The following TMTC4 variants were observed in gnomAD, a reference collection of about 807,000 sequenced individuals.
TMTC4 encodes the protein protein O-mannosyl-transferase TMTC4.
Under a neutral mutation model 86.0 loss-of-function variants are expected in TMTC4, and 65 were observed. The ratio of observed to expected loss-of-function variants is 0.76; its 90% CI spans 0.62 to 0.93. TMTC4 has a LOEUF of 0.93. TMTC4 is among the 40% of genes least tolerant of loss of function. The probability of loss-of-function intolerance (pLI) is 0.00; values close to 1 mark genes in which losing one functional copy is unlikely to be tolerated. For synonymous variants in TMTC4, 379 were observed against 382.5 expected (o/e 0.99, Z 0.11); for missense variants, 866 against 948.1 (o/e 0.91, Z 1.14).
At chr13:100,609,164 T>C (rs1877147469) in intron 17 of TMTC4, among the ~76,000 whole-genome samples, 1 of 152,144 alleles carries the variant, frequency 6.6e-6, no homozygotes, top group African/African-American at 2.4e-5. Context: ...CACTTGGTGG[T>C]GGTGTGTGGG....
At chr13:100,621,201 G>A (rs1253683461) in intron 15 of TMTC4, among the ~76,000 whole-genome samples, 2 of 152,166 alleles carry the variant, frequency 1.3e-5, no homozygotes, top group Non-Finnish European at 2.9e-5. Flanking sequence ...TCCTCCCTTT[G>A]GACATCATTC....
In TMTC4 at chr13:100,625,621, G is replaced by C; in HGVS notation, c.1750C>G (p.Arg584Gly). ...TAACTTTGCTCTGCTGCTTCAAACC[G>C]TTTCAGGCTATTCTGCACTATGCCT... The part of the protein sequence containing the change: ...NLGIVQNSLK[R>G]FEAAEQSYRT... Residue 584 changes from arginine to glycine, a missense_variant, in exon 15 of 19, where the codon CGG (arginine) becomes GGG (glycine). Physicochemically the swap from Arg to Gly is moderately radical, Grantham distance 125. Coordinates refer to ENST00000342624, the MANE Select transcript of TMTC4 (RefSeq NM_032813.5). 1 of 1,614,140 alleles carries C rather than the reference G, an allele frequency of 6.2e-7. No homozygotes were observed. Among genetic ancestry groups the C allele is most frequent in the Non-Finnish European group, 8.5e-7 (1 of 1,180,040 alleles).
At chr13:100,666,274 C>G (rs1886388615) in intron 3 of TMTC4, among the ~76,000 whole-genome samples, 1 of 152,220 alleles carries the variant, frequency 6.6e-6, no homozygotes, top group East Asian at 1.9e-4. Context: ...TCTAACATCA[C>G]TAAAATCCAG....
At chr13:100,648,871 G>A (rs752087650) in intron 6 of TMTC4, among the ~76,000 whole-genome samples, 7 of 151,964 alleles carry the variant, frequency 4.6e-5, no homozygotes, top group Non-Finnish European at 1.0e-4. Flanking sequence ...TATTTTTGTC[G>A]AGAAAGGGGG....
intron 2 of TMTC4, 150 bp downstream of exon 2, chr13:100,670,210 T>G (rs1340476841): frequency 6.2e-5 from 46 of 739,346 alleles, no homozygotes; most frequent in Non-Finnish European, 6.9e-5. Context: ...GCAGTTTGGA[T>G]GTATTTGTTT....
Position 100,663,024 on chromosome 13 carries a change from G to A in TMTC4, c.492C>T (p.Ala164=). The part of the protein sequence containing the change: ...YTSKGRRLHL[A]PRASLLAALL... ...GCGCGGCCAGCAGGGACGCCCTGGG[G>A]GCGAGGTGCAGCCTCCGGCCTTTAC... is the stretch of plus-strand genomic sequence containing the variant. The change falls in exon 5 of 19, where the codon GCC becomes GCT. Residue 164 remains alanine (A), a synonymous_variant. Coordinates refer to ENST00000342624, the MANE Select transcript of TMTC4 (RefSeq NM_032813.5). The A allele has an allele frequency of 6.2e-7, 1 of 1,614,188 alleles. No homozygotes were observed. The highest frequency in any genetic ancestry group is 8.5e-7 in the Non-Finnish European group (1 of 1,180,034).
intron 17 of TMTC4, among the ~76,000 whole-genome samples, chr13:100,606,999 A>G (rs1222532012): frequency 6.6e-6 from 1 of 152,208 alleles, no homozygotes; most frequent in African/African-American, 2.4e-5. Flanking sequence ...TGATTCTTGC[A>G]CAGCCTTGCA....
At chr13:100,658,386 T>A (rs1885362640) in intron 5 of TMTC4, among the ~76,000 whole-genome samples, 2 of 151,702 alleles carry the variant, frequency 1.3e-5, no homozygotes, top group African/African-American at 4.8e-5. Flanking sequence ...CAGGAGGACA[T>A]GAGAGGAGAC....
chr13:100,614,134 C>T (rs1053687019), intron 16 of TMTC4, among the ~76,000 whole-genome samples, 182 bp downstream of exon 16: 3 of 151,834 alleles, frequency 2.0e-5, no homozygotes, highest in Non-Finnish European at 2.9e-5. Flanking sequence ...CAACCGTGCC[C>T]GGCCTAGAAA....
intron 12 of TMTC4, among the ~76,000 whole-genome samples, chr13:100,630,798 C>G (rs1038684359): frequency 1.3e-5 from 2 of 152,208 alleles, no homozygotes; most frequent in African/African-American, 4.8e-5. Context: ...GCAGTATAGA[C>G]AGTGTTCTGT....
intron 10 of TMTC4, among the ~76,000 whole-genome samples, chr13:100,636,175 T>C (rs926380229): frequency 1.3e-5 from 2 of 152,148 alleles, no homozygotes; most frequent in African/African-American, 4.8e-5. Context: ...CCAGGGTGTT[T>C]TGAGGAAGAA....
At chr13:100,653,418 C>T (rs940560080) in intron 6 of TMTC4, among the ~76,000 whole-genome samples, 1 of 151,990 alleles carries the variant, frequency 6.6e-6, no homozygotes, top group Non-Finnish European at 1.5e-5. Context: ...GTTCTGATGT[C>T]GCCGGGCCAG....
At position 100,642,233 on chromosome 13, in the gene TMTC4, T is replaced by C. The variant is rs1264322753; in HGVS notation, c.719A>G (p.Lys240Arg). ...IFLGAVAMLC[K>R]EQGITVLGLN... ...CACCAGCACAGTGATCCCTTGCTCT[T>C]TGCACAGCATGGCCACTGCTCCCAG... Residue 240 changes from lysine to arginine, a missense_variant, in exon 7 of 19, where the codon AAA (lysine) becomes AGA (arginine). By Grantham distance (26) the Lys-to-Arg change is conservative (BLOSUM62 2). Coordinates refer to ENST00000342624, the MANE Select transcript of TMTC4 (RefSeq NM_032813.5). 9 of 1,614,064 alleles carry C rather than the reference T, an allele frequency of 5.6e-6. No individual in the cohort carries two copies. Among genetic ancestry groups the C allele is most frequent in the Non-Finnish European group, 7.6e-6 (9 of 1,180,042 alleles).
intron 15 of TMTC4, among the ~76,000 whole-genome samples, chr13:100,618,454 G>GT (rs1170750860): frequency 6.2e-5 from 8 of 129,760 alleles, no homozygotes; most frequent in African/African-American, 2.3e-4. Context: ...GTTGCTTCTT[G>GT]TTTTTTTTTT....
At chr13:100,674,255 G>T (rs1398662270) in intron 1 of TMTC4, 12 of 979,392 alleles carry the variant, frequency 1.2e-5, no homozygotes, top group East Asian at 1.2e-4. Flanking sequence ...CGCGGCGGGG[G>T]AGCCGCCGCG....
intron 12 of TMTC4, 32 bp downstream of exon 12, chr13:100,634,773 G>T: frequency 6.2e-7 from 1 of 1,605,462 alleles, no homozygotes; most frequent in Non-Finnish European, 8.5e-7. Flanking sequence ...CCCTAGTAAG[G>T]TCCCTTTAAA....
chr13:100,665,355 TC>T (rs1196985135), intron 3 of TMTC4, among the ~76,000 whole-genome samples: 1 of 152,200 alleles, frequency 6.6e-6, no homozygotes, highest in Non-Finnish European at 1.5e-5. Context: ...GCTGATCACT[TC>T]CCCGGGTTGT....
intron 6 of TMTC4, among the ~76,000 whole-genome samples, chr13:100,644,928 C>T (rs767196862): frequency 6.6e-6 from 1 of 152,068 alleles, no homozygotes; most frequent in Non-Finnish European, 1.5e-5. Flanking sequence ...AACTCTCCTG[C>T]CTCAGCCTCC....
chr13:100,663,598 T>C (rs976311569), intron 4 of TMTC4, among the ~76,000 whole-genome samples: 2 of 152,112 alleles, frequency 1.3e-5, no homozygotes, highest in Admixed American at 6.5e-5. Flanking sequence ...AAAAAAGGGC[T>C]CCTCATCAGT....
Sources: gnomAD v4.1 joint callset for allele counts (sites outside exome capture counted in the v4.1 genomes callset) on GRCh38, gnomAD v4.1.1 for gene constraint, MANE v1.5 for transcripts, NCBI Gene and HGNC (gene_info 2026-07-23, HGNC 2026-07-21) for gene names.